AKT3: variants seen among roughly 807,000 people sequenced by gnomAD.
AKT3 encodes AKT serine/threonine kinase 3.
In AKT3, 15 loss-of-function variants were observed where a neutral mutation model predicts 65.3. The ratio of observed to expected loss-of-function variants is 0.23; its 90% CI spans 0.15 to 0.35. AKT3 has a LOEUF of 0.35. Ranked by LOEUF, AKT3 falls within the 10% of genes least tolerant of loss-of-function variation. AKT3 has a pLI of 1.00. For missense variants in AKT3, 243 were observed against 576.5 expected, an observed-to-expected ratio of 0.42 and a Z score of 5.92; for synonymous variants, 206 against 183.8, an observed-to-expected ratio of 1.12 and a Z score of -0.98.
chr1:243,757,194 T>C (rs779804737), intron 2 of AKT3, among the ~76,000 whole-genome samples: 12 of 152,246 alleles, frequency 7.9e-5, no homozygotes, highest in East Asian at 1.9e-4. Context: ...ATGGTAGTGA[T>C]TGATATATCA....
At chr1:243,699,512 T>TATATATATATATATATAA (rs1253293936) in intron 2 of AKT3, among the ~76,000 whole-genome samples, 2 of 126,602 alleles carry the variant, frequency 1.6e-5, no homozygotes, top group African/African-American at 6.7e-5. Context: ...TATATATATA[T>TATATATATATATATATAA]AATCTTCATG....
At chr1:243,605,604 T>C (rs3856231) in intron 8 of AKT3, among the ~76,000 whole-genome samples, 79,981 of 152,126 alleles carry the variant, frequency 0.53, 24,332 homozygotes, top group Non-Finnish European at 0.68. Flanking sequence ...CCCACTTCTT[T>C]GAATTCATAT....
At chr1:243,526,472 T>G (rs531227758) in intron 12 of AKT3, among the ~76,000 whole-genome samples, 1 of 152,126 alleles carries the variant, frequency 6.6e-6, no homozygotes, top group East Asian at 1.9e-4. Context: ...AAAATGGCTG[T>G]TCCGTCACGT....
chr1:243,713,746 TAAAAAAAAA>T (rs572960154), intron 2 of AKT3, among the ~76,000 whole-genome samples: 4 of 82,976 alleles, frequency 4.8e-5, no homozygotes, highest in Admixed American at 1.7e-4. Context: ...TTTGCCTTAA[TAAAAAAAAA>T]AAAAAAAAAA....
chr1:243,705,472 T>A (rs1425807541), intron 2 of AKT3, among the ~76,000 whole-genome samples: 1 of 152,224 alleles, frequency 6.6e-6, no homozygotes, highest in East Asian at 1.9e-4. Flanking sequence ...GTAAATTGAC[T>A]AATCAAATCC....
rs1177192894 is a variant in AKT3, at chr1:243,693,242, T to A, written c.172+2349A>T. Among the ~76,000 whole-genome samples, 31 of 59,984 alleles carry A rather than the reference T, an allele frequency of 5.2e-4. 1 individual carries two copies. The highest frequency in any genetic ancestry group is 2.4e-3 in the Admixed American group (10 of 4,198). The allele number at this position is 59,984 out of a possible 152,430, so 39.4% of individuals were successfully genotyped here. ...ATATATCCCTTTGGTAGCTACAATT[T>A]GATATATATATATATATATATATAT... On this transcript the variant is annotated intron_variant, in intron 3 of 13. Transcript: ENST00000673466.
intron 3 of AKT3, among the ~76,000 whole-genome samples, chr1:243,666,929 TGG>T (rs1682824868): frequency 6.6e-6 from 1 of 152,168 alleles, no homozygotes; most frequent in African/African-American, 2.4e-5. Flanking sequence ...AGAAAAATGC[TGG>T]CAACACAGTA....
chr1:243,849,524 G>C (rs1284684259), intron 1 of AKT3, among the ~76,000 whole-genome samples: 1 of 151,676 alleles, frequency 6.6e-6, no homozygotes, highest in African/African-American at 2.4e-5. Flanking sequence ...CTCAGCGCCA[G>C]GGCGCGCGGC....
rs116438516 is a variant in AKT3 at position 243,517,940 on chromosome 1, G to A, written c.1252-5514C>T. Reference sequence around the variant, plus strand: ...CATAGTAGCATTCAACAATATTTGCGGAATAAATGAATCAATCATTCAGTC... The same window carrying A: ...CATAGTAGCATTCAACAATATTTGCAGAATAAATGAATCAATCATTCAGTC... On this transcript the variant is annotated intron_variant, in intron 12 of 13. Coordinates refer to ENST00000673466, the MANE Select transcript of AKT3 (RefSeq NM_005465.7). 5.0e-3 allele frequency among the ~76,000 whole-genome samples: 754 copies of A among 152,252 alleles called. 10 individuals are homozygous for A. Among genetic ancestry groups the A allele is most frequent in the African/African-American group, 0.017 (717 of 41,558 alleles).
intron 8 of AKT3, among the ~76,000 whole-genome samples, chr1:243,606,146 T>C (rs1677392417): frequency 6.6e-6 from 1 of 152,112 alleles, no homozygotes; most frequent in Admixed American, 6.5e-5. Flanking sequence ...CACAGCAGCA[T>C]GAGAACAGAG....
Position 243,512,352 on chromosome 1 carries a change from C to T in AKT3, c.1326G>A (p.Gln442=). The change falls in exon 13 of 14, where the codon CAG becomes CAA. Residue 442 remains glutamine (Q), a synonymous_variant. Coordinates refer to ENST00000673466, the MANE Select transcript of AKT3 (RefSeq NM_005465.7). ...TRYFDEEFTA[Q]TITITPPEKY... is the part of the protein sequence containing the mutation. Reference sequence around the variant, plus strand: ...TTTCAGGTGGTGTTATTGTAATAGTCTGAGCTGTAAATTCTTCATCAAAAT... The same window carrying T: ...TTTCAGGTGGTGTTATTGTAATAGTTTGAGCTGTAAATTCTTCATCAAAAT... 1 of 1,573,376 alleles carries T rather than the reference C, an allele frequency of 6.4e-7. No homozygotes were observed. Among genetic ancestry groups the T allele is most frequent in the Middle Eastern group, 1.7e-4 (1 of 5,866 alleles).
chr1:243,489,379 C>G (rs1205319865), intron 13 of AKT3, among the ~76,000 whole-genome samples: 1 of 152,206 alleles, frequency 6.6e-6, no homozygotes, highest in Non-Finnish European at 1.5e-5. Flanking sequence ...CGCGAATCAA[C>G]GAACCACACC....
chr1:243,685,103 G>T (rs915029936), intron 3 of AKT3, among the ~76,000 whole-genome samples: 1 of 152,144 alleles, frequency 6.6e-6, no homozygotes, highest in African/African-American at 2.4e-5. Flanking sequence ...TCTGTAGGCT[G>T]CCTGTTCACT....
At chr1:243,518,785 C>T (rs1256541882) in intron 12 of AKT3, among the ~76,000 whole-genome samples, 1 of 152,076 alleles carries the variant, frequency 6.6e-6, no homozygotes, top group Non-Finnish European at 1.5e-5. Flanking sequence ...AAAAACCATG[C>T]ACAGATTTCA....
At chr1:243,602,389 A>G (rs1419797107) in intron 8 of AKT3, among the ~76,000 whole-genome samples, 1 of 152,164 alleles carries the variant, frequency 6.6e-6, no homozygotes, top group Non-Finnish European at 1.5e-5. Flanking sequence ...ATAGTTAGCA[A>G]AGAAATTAGC....
intron 2 of AKT3, among the ~76,000 whole-genome samples, chr1:243,832,235 T>C (rs1694585933): frequency 6.7e-6 from 1 of 148,686 alleles, no homozygotes. Context: ...GCTATCTTTC[T>C]AGATAAGTGA....
chr1:243,799,441 C>CT (rs1379418387), intron 2 of AKT3, among the ~76,000 whole-genome samples: 1 of 152,186 alleles, frequency 6.6e-6, no homozygotes, highest in Non-Finnish European at 1.5e-5. Flanking sequence ...AAAAACTATA[C>CT]TGTTAATTAT....
chr1:243,808,871 A>G (rs1016727445), intron 2 of AKT3, among the ~76,000 whole-genome samples: 1 of 152,236 alleles, frequency 6.6e-6, no homozygotes, highest in Non-Finnish European at 1.5e-5. Context: ...TGTGGGGGCC[A>G]ATATTCAACA....
At position 243,763,021 on chromosome 1, in the gene AKT3, C is replaced by T. The variant is rs905359669; in HGVS notation, c.47-67305G>A. Among the ~76,000 whole-genome samples, 3 of 151,972 alleles carry T rather than the reference C, an allele frequency of 2.0e-5. No homozygotes were observed. The East Asian group carries it at 5.8e-4, about 29-fold the overall frequency. On this transcript the variant is annotated intron_variant, in intron 2 of 13. Transcript: ENST00000673466. ...TCCCCTCATTCTCCATTAAGTATTG[C>T]CTACTAGCTATACAAAATTGTACGG...
Sources: gnomAD v4.1 joint callset for allele counts (sites outside exome capture counted in the v4.1 genomes callset) on GRCh38, gnomAD v4.1.1 for gene constraint, MANE v1.5 for transcripts, NCBI Gene and HGNC (gene_info 2026-07-23, HGNC 2026-07-21) for gene names.